NCAPD3: variants seen among roughly 807,000 people sequenced by gnomAD.
NCAPD3 encodes non-SMC condensin II complex subunit D3, also known as condensin-2 complex subunit D3.
Under a neutral mutation model 182.9 loss-of-function variants are expected in NCAPD3, and 105 were observed. The ratio of observed to expected loss-of-function variants is 0.57; its 90% confidence interval spans 0.49 to 0.68. The LOEUF (loss-of-function observed/expected upper bound fraction) is 0.68, where lower values mean the gene tolerates loss of function less well. NCAPD3 is among the 30% of genes least tolerant of loss of function. The probability of loss-of-function intolerance (pLI) is 0.00; values close to 1 mark genes in which losing one functional copy is unlikely to be tolerated. For missense variants in NCAPD3, 1,944 were observed against 1,837.0 expected, an observed-to-expected ratio of 1.06 and a Z score of -1.07; for synonymous variants, 815 against 679.9, an observed-to-expected ratio of 1.20 and a Z score of -3.09.
intron 1 of NCAPD3, among the ~76,000 whole-genome samples, chr11:134,222,862 G>C (rs984120867): frequency 1.3e-5 from 2 of 152,202 alleles, no homozygotes; most frequent in Non-Finnish European, 1.5e-5. Context: ...GTGGGTATTA[G>C]TATCTGTTCA....
chr11:134,157,997 G>A lies in NCAPD3; in HGVS notation c.4105C>T (p.Arg1369Trp), dbSNP rs752297905. The A allele has an allele frequency of 2.8e-5, 45 of 1,614,132 alleles. No homozygotes were observed. The highest frequency in any genetic ancestry group is 8.9e-5 in the East Asian group (4 of 44,888). Reference sequence around the variant, plus strand: ...GGCAGCACTCCTAAGCTCCGACTCCGATGCCTGCTCTTTGACTCCACGGCT... The same window carrying A: ...GGCAGCACTCCTAAGCTCCGACTCCAATGCCTGCTCTTTGACTCCACGGCT... ...KKAVESKSRH[R>W]SRSLGVLPFT... Residue 1369 changes from arginine (R) to tryptophan (W), a missense_variant, in exon 31 of 35, where the codon CGG becomes TGG. Transcript: ENST00000534548.
upstream of NCAPD3, chr11:134,224,243 C>T (rs1238402895): frequency 2.0e-6 from 1 of 501,222 alleles, no homozygotes; most frequent in Non-Finnish European, 3.6e-6. Context: ...GGGGGAAAAT[C>T]TAAAGGGTAT....
chr11:134,188,583 A>C (rs1028089171), intron 16 of NCAPD3, among the ~76,000 whole-genome samples: 4 of 152,164 alleles, frequency 2.6e-5, no homozygotes, highest in African/African-American at 9.7e-5. Context: ...CAAACCCACC[A>C]GGAGGAACAA....
intron 1 of NCAPD3, among the ~76,000 whole-genome samples, chr11:134,221,618 GA>G (rs1452867779): frequency 6.6e-6 from 1 of 152,122 alleles, no homozygotes; most frequent in Non-Finnish European, 1.5e-5. Flanking sequence ...GGACTAGATG[GA>G]AATGTGGACA....
At chr11:134,166,911 G>A (rs1418095593) in intron 27 of NCAPD3, among the ~76,000 whole-genome samples, 5 of 129,106 alleles carry the variant, frequency 3.9e-5, no homozygotes, top group Non-Finnish European at 8.1e-5. Context: ...TGGGGGAGGC[G>A]CACACTCGTG....
intron 29 of NCAPD3, among the ~76,000 whole-genome samples, chr11:134,159,683 C>T (rs542031602): frequency 1.3e-5 from 2 of 152,344 alleles, no homozygotes; most frequent in South Asian, 4.1e-4. Flanking sequence ...CTTCCTGCAC[C>T]ACGTCCTCAT....
At chr11:134,167,792 C>T (rs1423263799) in intron 27 of NCAPD3, among the ~76,000 whole-genome samples, 1 of 136,864 alleles carries the variant, frequency 7.3e-6, no homozygotes, top group Non-Finnish European at 1.5e-5. Context: ...GGGGGAGGTG[C>T]ACACTCGTGA....
At chr11:134,164,698 C>T (rs993663702) in intron 27 of NCAPD3, among the ~76,000 whole-genome samples, 51 of 147,456 alleles carry the variant, frequency 3.5e-4, no homozygotes, top group African/African-American at 5.6e-4. Flanking sequence ...GTAAAATAAG[C>T]TTAGGGGAGC....
At chr11:134,171,998 C>T (rs1315491009) in intron 24 of NCAPD3, among the ~76,000 whole-genome samples, 2 of 152,150 alleles carry the variant, frequency 1.3e-5, no homozygotes, top group Non-Finnish European at 2.9e-5. Flanking sequence ...ACAACAAAAC[C>T]AAACTCATGC....
chr11:134,216,402 T>A (rs1938023886), intron 3 of NCAPD3, among the ~76,000 whole-genome samples: 1 of 152,190 alleles, frequency 6.6e-6, no homozygotes, highest in South Asian at 2.1e-4. Context: ...GAGAATGGAT[T>A]TCACTGTCAT....
At chr11:134,163,047 GTGC>G (rs1943632969) in intron 27 of NCAPD3, among the ~76,000 whole-genome samples, 1 of 152,132 alleles carries the variant, frequency 6.6e-6, no homozygotes, top group Non-Finnish European at 1.5e-5. Flanking sequence ...CGCAACTGAG[GTGC>G]AGATGGCAAT....
At chr11:134,199,839 G>A (rs574216930) in intron 13 of NCAPD3, among the ~76,000 whole-genome samples, 35 of 152,254 alleles carry the variant, frequency 2.3e-4, no homozygotes, top group African/African-American at 8.4e-4. Context: ...ACGCTAGAAC[G>A]CAACGGCAAT....
chr11:134,192,797 A>T lies in NCAPD3; in HGVS notation c.1937T>A (p.Leu646Gln). 1 of 1,614,214 alleles carries T rather than the reference A, an allele frequency of 6.2e-7. No individual in the cohort carries two copies. The highest frequency in any genetic ancestry group is 8.5e-7 in the Non-Finnish European group (1 of 1,180,028). Residue 646 changes from leucine (L) to glutamine (Q), a missense_variant, in exon 16 of 35, where the codon CTG (leucine) becomes CAG (glutamine). Physicochemically the swap from Leu to Gln is moderately radical, Grantham distance 113. Around this residue, in one of 3 missense-constraint regions of NCAPD3, gnomAD observed 1,803 missense variants for 1,674.6 expected, o/e 1.08. Coordinates refer to ENST00000534548, the MANE Select transcript of NCAPD3 (RefSeq NM_015261.3). ...GTGATGCCGGATGTTCTGCAGCAGC[A>T]GCTGGTCCAGGAACTCCAGGGCCTT... ...QEKALEFLDQ[L>Q]LLQNIRHHSH...
In NCAPD3 at chr11:134,203,884, A is replaced by C; in HGVS notation, c.1238T>G (p.Leu413Arg). 1.2e-6 allele frequency: 2 copies of C among 1,614,050 alleles called. No homozygotes were observed. The highest frequency in any genetic ancestry group is 1.7e-6 in the Non-Finnish European group (2 of 1,179,902). Residue 413 changes from leucine to arginine, a missense_variant, in exon 11 of 35, where the codon CTT becomes CGT. Leu to Arg is a moderately radical substitution (Grantham distance 102). Around this residue, in one of 3 missense-constraint regions of NCAPD3, gnomAD observed 1,803 missense variants for 1,674.6 expected, o/e 1.08. Transcript: ENST00000534548. ...SSKIPHRVFT[L>R]DVVLALLELP... Reference sequence around the variant, plus strand: ...TTCTAACAGAGCTAAGACAACATCAAGAGTAAAAACCCGGTGTGGGATCTG... The same window carrying C: ...TTCTAACAGAGCTAAGACAACATCACGAGTAAAAACCCGGTGTGGGATCTG...
In NCAPD3 at chr11:134,194,665, C is replaced by T; in HGVS notation, c.1689G>A (p.Gln563=). The T allele has an allele frequency of 6.3e-7, 1 of 1,586,862 alleles. No individual in the cohort carries two copies. The highest frequency in any genetic ancestry group is 8.6e-7 in the Non-Finnish European group (1 of 1,168,652). ...EKTNVRKSAL[Q]VLVSILKHCD... The stretch of plus-strand genomic sequence containing the variant: ...AAAAATGTGCAGAGAAAACTCCCAC[C>T]TGCAGTGCAGACTTCCTAACGTTGG... Residue 563 remains glutamine, a splice_region_variant and synonymous_variant, in exon 14 of 35, where the codon CAG becomes CAA. Coordinates refer to ENST00000534548, the MANE Select transcript of NCAPD3 (RefSeq NM_015261.3).
chr11:134,165,490 C>T (rs529766038), intron 27 of NCAPD3, among the ~76,000 whole-genome samples: 1 of 147,650 alleles, frequency 6.8e-6, no homozygotes, highest in East Asian at 2.0e-4. Context: ...GAGTGGCACA[C>T]TTGTGAGATG....
intron 13 of NCAPD3, among the ~76,000 whole-genome samples, chr11:134,198,342 T>A (rs1449621502): frequency 6.6e-6 from 1 of 151,970 alleles, no homozygotes; most frequent in Non-Finnish European, 1.5e-5. Context: ...CAGCCAATTT[T>A]CAACAAGAAA....
At chr11:134,190,680 T>C (rs760537390) in intron 16 of NCAPD3, among the ~76,000 whole-genome samples, 3 of 152,182 alleles carry the variant, frequency 2.0e-5, no homozygotes, top group Admixed American at 6.5e-5. Context: ...TCTCACCACA[T>C]TGCCAGGGAT....
chr11:134,200,598 G>C (rs1032075942), intron 13 of NCAPD3, among the ~76,000 whole-genome samples: 1 of 152,186 alleles, frequency 6.6e-6, no homozygotes, highest in African/African-American at 2.4e-5. Flanking sequence ...TAGGAATGCA[G>C]AGAAATAGGA....
Sources: gnomAD v4.1 joint callset for allele counts (sites outside exome capture counted in the v4.1 genomes callset) on GRCh38, gnomAD v4.1.1 for gene constraint, gnomAD v4.1.1 regional missense constraint, MANE v1.5 for transcripts, NCBI Gene and HGNC (gene_info 2026-07-23, HGNC 2026-07-21) for gene names.